TFR2: variants seen among roughly 807,000 people sequenced by gnomAD.
TFR2 encodes transferrin receptor protein 2.
Under a neutral mutation model 91.9 loss-of-function variants are expected in TFR2, and 64 were observed. The observed-to-expected ratio is 0.70, with a 90% CI of 0.57 to 0.86. The LOEUF (loss-of-function observed/expected upper bound fraction) is 0.86. TFR2 is among the 40% of genes least tolerant of loss of function. TFR2 has a pLI of 0.00. For synonymous variants in TFR2, 454 were observed against 459.6 expected, an observed-to-expected ratio of 0.99 and a Z score of 0.15; for missense variants, 950 against 1,080.5, an observed-to-expected ratio of 0.88 and a Z score of 1.69.
rs199600701 is a variant in TFR2 at position 100,627,806 on chromosome 7, G to A, written c.1620C>T (p.Asn540=). The change falls in exon 14 of 18, where the codon AAC becomes AAT. Residue 540 remains asparagine (N), a synonymous_variant. Transcript: ENST00000223051. ...ESVLKQVDSP[N]HSGQTLYEQV... Reference sequence around the variant, plus strand: ...GTTCATAGAGAGTCTGCCCACTGTGGTTGGGAGAATCCACCTGGGGGTTGG... The same window carrying A: ...GTTCATAGAGAGTCTGCCCACTGTGATTGGGAGAATCCACCTGGGGGTTGG... The A allele has an allele frequency of 2.1e-4, 332 of 1,614,098 alleles. 1 individual carries two copies. The highest frequency in any genetic ancestry group is 2.6e-4 in the Non-Finnish European group (302 of 1,180,010).
chr7:100,621,545 C>T (rs987731944), intron 17 of TFR2, among the ~76,000 whole-genome samples: 27 of 152,102 alleles, frequency 1.8e-4, no homozygotes, highest in African/African-American at 5.3e-4. Context: ...TGAGCCACCA[C>T]GCTAGGCCTC....
chr7:100,621,602 T>C (rs770770586), intron 17 of TFR2, among the ~76,000 whole-genome samples: 1 of 152,038 alleles, frequency 6.6e-6, no homozygotes, highest in African/African-American at 2.4e-5. Flanking sequence ...TTCTCCCGAG[T>C]CTTCCTTCCT....
At position 100,627,754 on chromosome 7, in the gene TFR2, C is replaced by G; in HGVS notation, c.1672G>C (p.Asp558His). 6.2e-7 allele frequency: 1 copy of G among 1,614,040 alleles called. No homozygotes were observed. The highest frequency in any genetic ancestry group is 8.5e-7 in the Non-Finnish European group (1 of 1,179,988). ...ACCCCCCCAACTTACACCTCAGCAT[C>G]CCAGCTGGGATTGGTGAACACCACC... Reference protein sequence around the residue: ...EQVVFTNPSWDAEVIRPLPMD... With the variant: ...EQVVFTNPSWHAEVIRPLPMD... Residue 558 changes from aspartate to histidine, a missense_variant, in exon 14 of 18, where the codon GAT becomes CAT. Transcript: ENST00000223051.
rs370005999 is a variant in TFR2 at position 100,641,142 on chromosome 7, G to A, written c.120C>T (p.Asp40=). ...CCAATGTCTCCGCCCCCTCCTCCCC[G>A]TCTTCCTCTTCCTCCTCCAGGTGCC... ...RKGHLEEEEE[D]GEEGAETLAH... The change falls in exon 2 of 18, where the codon GAC becomes GAT. Residue 40 remains aspartate, a synonymous_variant. Coordinates refer to ENST00000223051, the MANE Select transcript of TFR2 (RefSeq NM_003227.4). 47 of 1,549,512 alleles carry A rather than the reference G, an allele frequency of 3.0e-5. No homozygotes were observed. In the African/African-American group the frequency reaches 4.1e-4, roughly 13 times the overall value.
At chr7:100,623,756 A>G (rs1035974652) in intron 17 of TFR2, among the ~76,000 whole-genome samples, 13 of 151,834 alleles carry the variant, frequency 8.6e-5, no homozygotes, top group Non-Finnish European at 1.3e-4. Flanking sequence ...CATTTCAAAA[A>G]CAAAAACTCC....
In TFR2 at chr7:100,626,900, G is replaced by A; in HGVS notation, c.1999C>T (p.Arg667Cys). The change falls in exon 17 of 18, where the codon CGC becomes TGC. Residue 667 changes from arginine (R) to cysteine (C), a missense_variant. Physicochemically the swap from Arg to Cys is radical, Grantham distance 180. Transcript: ENST00000223051. ...TACACCCACTGCAGGGTCAGCCCGC[G>A]GGCCTGGGGTGGGGAGGCGCGGGCT... ...LNEFSGDLKA[R>C]GLTLQWVYSA... The A allele has an allele frequency of 6.5e-7, 1 of 1,538,756 alleles. No individual in the cohort carries two copies. Among genetic ancestry groups the A allele is most frequent in the Non-Finnish European group, 8.7e-7 (1 of 1,144,932 alleles).
At chr7:100,625,705 A>G (rs1255633182) in intron 17 of TFR2, among the ~76,000 whole-genome samples, 1 of 152,026 alleles carries the variant, frequency 6.6e-6, no homozygotes, top group African/African-American at 2.4e-5. Flanking sequence ...GCAACATGGT[A>G]AAACCCTGTC....
In TFR2 at chr7:100,633,304, G is replaced by A; in HGVS notation, c.651C>T (p.Ala217=). The change falls in exon 5 of 18, where the codon GCC becomes GCT. Residue 217 remains alanine (A), a synonymous_variant. Transcript: ENST00000223051. ...GCGGCAGCTGCTCTCCGACCTTCCC[G>A]GCCTCATCGACCCAGTGCAGGGTGT... ...HPNTLHWVDE[A]GKVGEQLPLE... The A allele has an allele frequency of 1.9e-6, 3 of 1,613,614 alleles. No individual in the cohort carries two copies. The highest frequency in any genetic ancestry group is 1.1e-5 in the South Asian group (1 of 91,076).
intron 3 of TFR2, among the ~76,000 whole-genome samples, chr7:100,634,177 A>ACACACACACAC (rs1554363936): frequency 7.5e-6 from 1 of 132,714 alleles, no homozygotes; most frequent in South Asian, 2.6e-4. Context: ...TCCCGACGTC[A>ACACACACACAC]ACACACACAC....
chr7:100,631,305 C>CTT (rs542161282), intron 8 of TFR2, among the ~76,000 whole-genome samples: 16 of 95,690 alleles, frequency 1.7e-4, no homozygotes, highest in Non-Finnish European at 2.9e-4. Context: ...AGAAGAGTCA[C>CTT]TTTTTTTTTT....
chr7:100,624,244 T>C (rs4729598), intron 17 of TFR2, among the ~76,000 whole-genome samples: 138,747 of 152,068 alleles, frequency 0.91, 63,493 homozygotes, highest in Middle Eastern at 0.98. Context: ...CTCTGCCTCT[T>C]CATGGGGCCC....
At chr7:100,626,456 A>C in intron 17 of TFR2, 2 of 866,920 alleles carry the variant, frequency 2.3e-6, no homozygotes, top group Non-Finnish European at 3.1e-6. Context: ...AGTGGGAGCT[A>C]TAGGAGGGGA....
At position 100,627,363 on chromosome 7, in the gene TFR2, C is replaced by G; in HGVS notation, c.1896G>C (p.Arg632=). 6.4e-7 allele frequency: 1 copy of G among 1,553,176 alleles called. No individual in the cohort carries two copies. The highest frequency in any genetic ancestry group is 2.4e-5 in the East Asian group (1 of 41,124). ...GGGGCAGCAGGCGATCGTGGCTGAGCCGGATGAGGAGCTGCCCTGCGAGCT... is the reference window on the plus strand; with the variant it reads ...GGGGCAGCAGGCGATCGTGGCTGAGGCGGATGAGGAGCTGCCCTGCGAGCT... The part of the protein sequence containing the change: ...VAQLAGQLLI[R]LSHDRLLPLD... The change falls in exon 16 of 18, where the codon CGG becomes CGC. Residue 632 remains arginine, a synonymous_variant. Transcript: ENST00000223051.
intron 17 of TFR2, 97 bp downstream of exon 17, chr7:100,626,666 G>A (rs1803258219): frequency 6.6e-7 from 1 of 1,510,086 alleles, no homozygotes; most frequent in Admixed American, 2.0e-5. Flanking sequence ...TGTAGGCGGG[G>A]AGAGAGAGGA....
chr7:100,621,741 G>T (rs1445827132), intron 17 of TFR2, among the ~76,000 whole-genome samples: 1 of 152,100 alleles, frequency 6.6e-6, no homozygotes, highest in African/African-American at 2.4e-5. Flanking sequence ...AGAGACGAAG[G>T]TCAAGGGGAC....
intron 10 of TFR2, among the ~76,000 whole-genome samples, 188 bp from the exon 11 acceptor site, chr7:100,628,494 G>A (rs1001278564): frequency 2.6e-5 from 4 of 152,092 alleles, no homozygotes; most frequent in African/African-American, 9.7e-5. Context: ...TGACCTCTCA[G>A]GTTCAAGTCA....
chr7:100,626,206 G>T (rs972801191), intron 17 of TFR2, among the ~76,000 whole-genome samples: 6 of 152,080 alleles, frequency 3.9e-5, no homozygotes, highest in African/African-American at 1.4e-4. Context: ...CTGGAGGTGG[G>T]GTGTGGGCTG....
In TFR2 at chr7:100,627,289, A is replaced by G; in HGVS notation, c.1970T>C (p.Leu657Pro). ...CTTGAGGTCCCCAGAGAACTCGTTG[A>G]GGTTCCCGATGTGCCTGAGGACGAC... is the stretch of plus-strand genomic sequence containing the variant. ...GDVVLRHIGNLNEFSGDLKAR... is the reference protein window; with the variant it reads ...GDVVLRHIGNPNEFSGDLKAR... Residue 657 changes from leucine (L) to proline (P), a missense_variant, in exon 16 of 18, where the codon CTC (leucine) becomes CCC (proline). By Grantham distance (98) the Leu-to-Pro change is moderately conservative (BLOSUM62 -3). Coordinates refer to ENST00000223051, the MANE Select transcript of TFR2 (RefSeq NM_003227.4). The G allele has an allele frequency of 6.5e-7, 1 of 1,549,320 alleles. No homozygotes were observed. The highest frequency in any genetic ancestry group is 8.7e-7 in the Non-Finnish European group (1 of 1,146,796).
In TFR2 at chr7:100,628,082, C is replaced by T. The variant is rs200053955; in HGVS notation, c.1528G>A (p.Ala510Thr). ...CACTGCCCCAGCTCACCCAGCACTG[C>T]GTTGTCCAGGCTCACGTACACTACG... The part of the protein sequence containing the change: ...KAVVYVSLDN[A>T]VLGDDKFHAK... Residue 510 changes from alanine to threonine, a missense_variant, in exon 12 of 18, where the codon GCA becomes ACA. Transcript: ENST00000223051. The T allele has an allele frequency of 2.8e-5, 46 of 1,614,118 alleles. No homozygotes were observed. The East Asian group carries it at 5.8e-4, about 20-fold the overall frequency.
Sources: gnomAD v4.1 joint callset for allele counts (sites outside exome capture counted in the v4.1 genomes callset) on GRCh38, gnomAD v4.1.1 for gene constraint, MANE v1.5 for transcripts, NCBI Gene and HGNC (gene_info 2026-07-23, HGNC 2026-07-21) for gene names.